CSNK1A1: variants seen among roughly 807,000 people sequenced by gnomAD.
The protein encoded by CSNK1A1 is casein kinase I isoform alpha.
In CSNK1A1, 7 loss-of-function variants were observed where a neutral mutation model predicts 46.1. That is an observed-to-expected ratio of 0.15 (90% CI 0.09 to 0.29). The LOEUF (loss-of-function observed/expected upper bound fraction) is 0.29. Ranked by LOEUF, CSNK1A1 falls within the 10% of genes least tolerant of loss-of-function variation. The pLI, the probability that CSNK1A1 is intolerant of heterozygous loss-of-function variation, is 1.00. For missense variants in CSNK1A1, 96 were observed against 417.1 expected, an observed-to-expected ratio of 0.23 and a Z score of 6.71; for synonymous variants, 137 against 141.5, an observed-to-expected ratio of 0.97 and a Z score of 0.23.
chr5:149,498,187 C>T (rs915560599), intron 9 of CSNK1A1: 26 of 984,794 alleles, frequency 2.6e-5, no homozygotes, highest in African/African-American at 7.0e-5. Context: ...GTGGGAGAAA[C>T]AAAATAATTC....
intron 2 of CSNK1A1, among the ~76,000 whole-genome samples, chr5:149,541,993 A>AAG (rs1554117781): frequency 1.9e-4 from 29 of 149,238 alleles, no homozygotes; most frequent in African/African-American, 2.5e-4. Context: ...AAAAAAAAAA[A>AAG]AAGATCTAGG....
chr5:149,528,126 G>A (rs1218437592), intron 2 of CSNK1A1, among the ~76,000 whole-genome samples: 1 of 152,118 alleles, frequency 6.6e-6, no homozygotes, highest in Non-Finnish European at 1.5e-5. Flanking sequence ...TAGAAACTGG[G>A]AAGAATTAGA....
At chr5:149,547,713 T>C (rs974791455) in intron 2 of CSNK1A1, among the ~76,000 whole-genome samples, 7 of 152,110 alleles carry the variant, frequency 4.6e-5, no homozygotes, top group African/African-American at 1.2e-4. Flanking sequence ...AAACTTCAAA[T>C]CTATATCATC....
intron 2 of CSNK1A1, among the ~76,000 whole-genome samples, chr5:149,534,049 G>A (rs183741793): frequency 6.6e-6 from 1 of 152,268 alleles, no homozygotes; most frequent in East Asian, 1.9e-4. Flanking sequence ...GAAACAAACT[G>A]TACAGCTTAA....
chr5:149,524,765 A>G (rs1418658536), intron 3 of CSNK1A1, among the ~76,000 whole-genome samples: 1 of 152,228 alleles, frequency 6.6e-6, no homozygotes, highest in Non-Finnish European at 1.5e-5. Context: ...TAAACTCTCC[A>G]AACAAAATCT....
At chr5:149,504,520 G>A in intron 9 of CSNK1A1, 1 of 985,406 alleles carries the variant, frequency 1.0e-6, no homozygotes, top group Non-Finnish European at 1.2e-6. Context: ...CAGGAGGTAA[G>A]CCCCAGAAAT....
In CSNK1A1 at chr5:149,507,472, T is replaced by G. The variant is rs181007109; in HGVS notation, c.751-339A>C. On this transcript the variant is annotated intron_variant, in intron 7 of 9. Coordinates refer to ENST00000377843, the MANE Select transcript of CSNK1A1 (RefSeq NM_001892.6). ...TCGCGCCTCTTCGTGAACTTTTTTT[T>G]TTTTTAAAGACAGGGTCTCAATCTG... 6.0e-3 allele frequency among the ~76,000 whole-genome samples: 913 copies of G among 152,254 alleles called. 6 individuals carry two copies. The highest frequency in any genetic ancestry group is 9.6e-3 in the Non-Finnish European group (651 of 68,020).
At chr5:149,533,710 G>C (rs141608273) in intron 2 of CSNK1A1, among the ~76,000 whole-genome samples, 1 of 151,210 alleles carries the variant, frequency 6.6e-6, no homozygotes, top group Non-Finnish European at 1.5e-5. Flanking sequence ...CCTAACTTTT[G>C]TCAGCTCTTG....
chr5:149,546,827 C>T (rs1469040446), intron 2 of CSNK1A1, among the ~76,000 whole-genome samples: 1 of 151,926 alleles, frequency 6.6e-6, no homozygotes, highest in African/African-American at 2.4e-5. Flanking sequence ...CAATACTTTC[C>T]GAGTAAATAT....
chr5:149,510,124 T>C (rs1296707553), intron 6 of CSNK1A1, among the ~76,000 whole-genome samples, 171 bp from the exon 7 acceptor site: 5 of 152,270 alleles, frequency 3.3e-5, no homozygotes, highest in African/African-American at 1.2e-4. Flanking sequence ...TCCCAAACTG[T>C]TAACTTCTGA....
chr5:149,504,544 CA>C (rs1760967473), intron 9 of CSNK1A1: 1 of 985,212 alleles, frequency 1.0e-6, no homozygotes, highest in Non-Finnish European at 1.2e-6. Flanking sequence ...AAAAGAAAGA[CA>C]AAACATGAAA....
intron 2 of CSNK1A1, among the ~76,000 whole-genome samples, chr5:149,540,047 G>A (rs1373261611): frequency 1.3e-5 from 2 of 152,014 alleles, no homozygotes; most frequent in African/African-American, 2.4e-5. Flanking sequence ...TAAATAAAAG[G>A]CAATTATACC....
At chr5:149,501,897 T>A (rs1760869994) in intron 9 of CSNK1A1, 1 of 962,404 alleles carries the variant, frequency 1.0e-6, no homozygotes, top group Non-Finnish European at 1.2e-6. Context: ...TGGGTGTGAA[T>A]CTTATGTATT....
intron 2 of CSNK1A1, chr5:149,549,225 T>C (rs1425129824): frequency 6.4e-6 from 3 of 468,800 alleles, no homozygotes; most frequent in Non-Finnish European, 1.2e-5. Flanking sequence ...ACAACTGATA[T>C]GAGTAAATTT....
chr5:149,541,800 A>C (rs756222748), intron 2 of CSNK1A1, among the ~76,000 whole-genome samples: 67 of 151,740 alleles, frequency 4.4e-4, no homozygotes, highest in Admixed American at 9.9e-4. Flanking sequence ...ATATGGTGAA[A>C]CCTCATCTCT....
intron 2 of CSNK1A1, among the ~76,000 whole-genome samples, chr5:149,540,621 T>C (rs964284260): frequency 6.6e-5 from 10 of 152,098 alleles, no homozygotes; most frequent in African/African-American, 2.4e-4. Context: ...AAAATAAGGC[T>C]TAGCTGTAAT....
At chr5:149,524,508 A>C (rs1438326720) in intron 3 of CSNK1A1, among the ~76,000 whole-genome samples, 1 of 152,184 alleles carries the variant, frequency 6.6e-6, no homozygotes, top group Non-Finnish European at 1.5e-5. Flanking sequence ...CAGCCAATGC[A>C]TCAATCTAAT....
chr5:149,521,169 T>C (rs1301624403), intron 3 of CSNK1A1, among the ~76,000 whole-genome samples: 1 of 152,120 alleles, frequency 6.6e-6, no homozygotes, highest in Admixed American at 6.6e-5. Flanking sequence ...AAATCCCATA[T>C]AATTATGGGG....
intron 9 of CSNK1A1, among the ~76,000 whole-genome samples, chr5:149,500,701 A>G (rs1001171360): frequency 6.6e-6 from 1 of 152,036 alleles, no homozygotes; most frequent in Non-Finnish European, 1.5e-5. Context: ...TGCTGGGATT[A>G]TAGGAGTGAG....
Sources: allele counts gnomAD v4.1 joint callset (sites outside exome capture counted in the v4.1 genomes callset), GRCh38; gene constraint gnomAD v4.1.1; transcripts MANE v1.5; gene names NCBI Gene and HGNC (gene_info 2026-07-23, HGNC 2026-07-21).